TG: variants seen among roughly 807,000 people sequenced by gnomAD.
The protein encoded by TG is thyroid hormones.
Under a neutral mutation model 324.7 loss-of-function variants are expected in TG, and 270 were observed. The ratio of observed to expected loss-of-function variants is 0.83; its 90% confidence interval spans 0.75 to 0.92. The LOEUF (loss-of-function observed/expected upper bound fraction) is 0.92. Ranked by LOEUF, TG falls within the 40% of genes least tolerant of loss-of-function variation. The probability of loss-of-function intolerance (pLI) is 0.00; values close to 1 mark genes in which losing one functional copy is unlikely to be tolerated. For synonymous variants in TG, 1,401 were observed against 1,327.0 expected, an observed-to-expected ratio of 1.06 and a Z score of -1.21; for missense variants, 3,591 against 3,456.4, an observed-to-expected ratio of 1.04 and a Z score of -0.98.
At chr8:133,078,152 C>T (rs1038320219) in intron 41 of TG, among the ~76,000 whole-genome samples, 3 of 152,190 alleles carry the variant, frequency 2.0e-5, no homozygotes, top group Admixed American at 6.5e-5. Context: ...TGTCACCCAT[C>T]CTTCCTCTCC....
chr8:133,061,815 C>T (rs1842408461), intron 41 of TG, among the ~76,000 whole-genome samples: 2 of 152,186 alleles, frequency 1.3e-5, no homozygotes, highest in African/African-American at 4.8e-5. Context: ...GAAAGAAGTA[C>T]ACTCTCAGAG....
At chr8:132,992,680 G>C (rs112378622) in intron 35 of TG, among the ~76,000 whole-genome samples, 1 of 152,138 alleles carries the variant, frequency 6.6e-6, no homozygotes, top group Non-Finnish European at 1.5e-5. Context: ...TGTGGGTGCT[G>C]CTGGCAGAGA....
In TG at chr8:132,963,561, T is replaced by C. The variant is rs144108521; in HGVS notation, c.5548+487T>C. Among the ~76,000 whole-genome samples, 157 of 152,274 alleles carry C rather than the reference T, an allele frequency of 1.0e-3. 1 individual carries two copies. Among genetic ancestry groups the C allele is most frequent in the Admixed American group, 3.7e-3 (57 of 15,282 alleles). ...TCTGGACTTCTCTACCTCCAGAGTC[T>C]GTGATTATTATTACTGAGGTGGAGC... On this transcript the variant is annotated intron_variant, in intron 29 of 47. Transcript: ENST00000220616.
chr8:133,099,785 T>G (rs1217068087), intron 43 of TG, among the ~76,000 whole-genome samples: 2 of 152,206 alleles, frequency 1.3e-5, no homozygotes, highest in Non-Finnish European at 2.9e-5. Flanking sequence ...AAAATCCAGC[T>G]GGCTGTATTT....
At chr8:133,055,141 C>T (rs980305384) in intron 41 of TG, among the ~76,000 whole-genome samples, 1 of 152,130 alleles carries the variant, frequency 6.6e-6, no homozygotes, top group South Asian at 2.1e-4. Context: ...CTCTCCTCAG[C>T]CCACACTTGA....
Position 132,971,785 on chromosome 8 carries a change from C to T in TG, c.5976-9C>T, listed in dbSNP as rs1216952779. ...ACCTTCAGGCCTGCTCTTTCTCTTC[C>T]TATGCCAGGTTCTTTGAATGTGAAC... On this transcript the variant is annotated splice_polypyrimidine_tract_variant and intron_variant, in intron 32 of 47. Coordinates refer to ENST00000220616, the MANE Select transcript of TG (RefSeq NM_003235.5). 6.2e-7 allele frequency: 1 copy of T among 1,608,732 alleles called. No homozygotes were observed. The highest frequency in any genetic ancestry group is 1.3e-5 in the African/African-American group (1 of 74,894).
At chr8:133,089,681 C>G (rs1208945281) in intron 41 of TG, among the ~76,000 whole-genome samples, 6 of 152,190 alleles carry the variant, frequency 3.9e-5, no homozygotes, top group African/African-American at 1.2e-4. Context: ...CTCCCTCACT[C>G]ATACAGTCAT....
chr8:133,127,871 C>G (rs1191599726), intron 45 of TG, among the ~76,000 whole-genome samples: 1 of 152,140 alleles, frequency 6.6e-6, no homozygotes, highest in Non-Finnish European at 1.5e-5. Context: ...AAAGCCCACT[C>G]CGTGATGGCC....
At chr8:133,097,773 T>C (rs974183316) in intron 43 of TG, among the ~76,000 whole-genome samples, 17 of 152,222 alleles carry the variant, frequency 1.1e-4, no homozygotes, top group African/African-American at 4.1e-4. Flanking sequence ...TGTATATATA[T>C]ACACACATGC....
At chr8:132,955,816 G>A (rs890179960) in intron 27 of TG, among the ~76,000 whole-genome samples, 1 of 152,174 alleles carries the variant, frequency 6.6e-6, no homozygotes, top group South Asian at 2.1e-4. Flanking sequence ...ATTGACTGCC[G>A]CAGATGCAGC....
At position 132,882,609 on chromosome 8, in the gene TG, C is replaced by T. The variant is rs121912648; in HGVS notation, c.886C>T (p.Arg296Ter). Reference protein sequence around the residue: ...AVQSVISGRFRCPTKCEVERF... With the variant: ...AVQSVISGRF ...TCAATCAGTCATCTCTGGCAGATTC[C>T]GATGTAAGTAATAAACTGCCAACAA... The change falls in exon 7 of 48, where the codon CGA becomes TGA. Residue 296 changes from arginine to a stop codon, truncating the protein, a stop_gained. Coordinates refer to ENST00000220616, the MANE Select transcript of TG (RefSeq NM_003235.5). LOFTEE classifies it high-confidence loss of function. 863 of 1,614,008 alleles carry T rather than the reference C, an allele frequency of 5.3e-4. 3 individuals carry two copies. The highest frequency in any genetic ancestry group is 6.2e-4 in the Non-Finnish European group (732 of 1,180,036).
In TG at chr8:132,934,579, C is replaced by T. The variant is rs926281208; in HGVS notation, c.4932+903C>T. On this transcript the variant is annotated intron_variant, in intron 24 of 47. Coordinates refer to ENST00000220616, the MANE Select transcript of TG (RefSeq NM_003235.5). ...TAAACACGAGCTCTTCTCAGGTCTG[C>T]GGGAATGTCTTCTTTCTTTTTGCTC... 2.3e-4 allele frequency among the ~76,000 whole-genome samples: 35 copies of T among 152,128 alleles called. 2 individuals carry two copies. Among genetic ancestry groups the T allele is most frequent in the Admixed American group, 1.9e-3 (29 of 15,280 alleles).
At chr8:133,122,685 T>C (rs1851232391) in intron 45 of TG, among the ~76,000 whole-genome samples, 1 of 152,176 alleles carries the variant, frequency 6.6e-6, no homozygotes, top group Non-Finnish European at 1.5e-5. Context: ...GGACACTGCC[T>C]GCATGGTGTT....
rs1587797470 is a variant in TG, at chr8:133,026,337, C to A, written c.7037-3484C>A. On this transcript the variant is annotated intron_variant, in intron 40 of 47. Transcript: ENST00000220616. ...AAGCTCGTGCCAGTCCTGAGGCCCA[C>A]TAGACAAACGCATGCTCTCTGGTGA... Among the ~76,000 whole-genome samples, 3 of 152,220 alleles carry A rather than the reference C, an allele frequency of 2.0e-5. No individual in the cohort carries two copies. The South Asian group carries it at 6.2e-4, about 32-fold the overall frequency.
At chr8:132,911,258 T>A in intron 18 of TG, 119 bp from the exon 19 acceptor site, 1 of 1,573,882 alleles carries the variant, frequency 6.4e-7, no homozygotes, top group Middle Eastern at 2.0e-4. Flanking sequence ...CCCCCTGAAG[T>A]AGGGTTGGTG....
intron 35 of TG, among the ~76,000 whole-genome samples, chr8:133,005,623 AG>A (rs1833952932): frequency 1.3e-5 from 2 of 152,212 alleles, no homozygotes; most frequent in South Asian, 4.1e-4. Flanking sequence ...ACTGAGGCTC[AG>A]AGAAGGGGAG....
chr8:132,950,669 A>G (rs901636573), intron 27 of TG, among the ~76,000 whole-genome samples: 1 of 152,232 alleles, frequency 6.6e-6, no homozygotes, highest in African/African-American at 2.4e-5. Flanking sequence ...CTGTGATGTT[A>G]AATCCTAGCT....
intron 41 of TG, among the ~76,000 whole-genome samples, chr8:133,069,523 T>A (rs1250166827): frequency 6.6e-6 from 1 of 152,142 alleles, no homozygotes; most frequent in East Asian, 1.9e-4. Context: ...CCTCCTTAGC[T>A]CCTCAGGAAA....
chr8:133,007,925 T>A (rs1325035209), intron 35 of TG, among the ~76,000 whole-genome samples: 1 of 152,056 alleles, frequency 6.6e-6, no homozygotes, highest in African/African-American at 2.4e-5. Context: ...AAGGATAGAG[T>A]ATCTTGAACC....
Sources: gnomAD v4.1 joint callset for allele counts (sites outside exome capture counted in the v4.1 genomes callset) on GRCh38, gnomAD v4.1.1 for gene constraint, MANE v1.5 for transcripts, NCBI Gene and HGNC (gene_info 2026-07-23, HGNC 2026-07-21) for gene names.